The following ANO10 variants were observed in gnomAD, a reference collection of about 807,000 sequenced individuals.
The protein encoded by ANO10 is anoctamin-10.
In ANO10, 77 loss-of-function variants were observed where a neutral mutation model predicts 74.7. That is an observed-to-expected ratio of 1.03 (90% CI 0.86 to 1.25). The LOEUF (loss-of-function observed/expected upper bound fraction) is 1.25. Among genes scored for constraint, ANO10 ranks in the 50% most tolerant of loss-of-function variants. The pLI is 0.00. For missense variants in ANO10, 721 were observed against 778.1 expected (o/e 0.93, Z 0.87); for synonymous variants, 279 against 284.9 (o/e 0.98, Z 0.21).
At chr3:43,544,641 A>T (rs2079099232) in intron 11 of ANO10, among the ~76,000 whole-genome samples, 1 of 151,978 alleles carries the variant, frequency 6.6e-6, no homozygotes, top group African/African-American at 2.4e-5. Context: ...AAAAATACAA[A>T]TATTAGCCAA....
chr3:43,414,239 CT>C (rs1261082826), intron 12 of ANO10, among the ~76,000 whole-genome samples: 2 of 152,146 alleles, frequency 1.3e-5, no homozygotes, highest in Non-Finnish European at 2.9e-5. Context: ...GCAGTTAGTC[CT>C]TTTCCCTTTC....
chr3:43,563,599 C>T (rs530334120), intron 8 of ANO10, among the ~76,000 whole-genome samples: 39 of 152,246 alleles, frequency 2.6e-4, no homozygotes, highest in African/African-American at 8.9e-4. Flanking sequence ...CAGAATCAAC[C>T]TCAGTGTCTA....
chr3:43,564,751 G>C (rs1290121716), intron 8 of ANO10, among the ~76,000 whole-genome samples: 1 of 152,212 alleles, frequency 6.6e-6, no homozygotes, highest in Non-Finnish European at 1.5e-5. Flanking sequence ...GCTATCAAGA[G>C]AGCTGGTTTC....
At chr3:43,566,286 A>C (rs1262759929) in intron 7 of ANO10, among the ~76,000 whole-genome samples, 27 of 152,234 alleles carry the variant, frequency 1.8e-4, no homozygotes, top group East Asian at 5.8e-4. Context: ...CCCAGGCTTG[A>C]TTAGGTAAAC....
At position 43,672,056 on chromosome 3, in the gene ANO10, G is replaced by A. The variant is rs986808752; in HGVS notation, c.-12+19461C>T. 4.6e-5 allele frequency among the ~76,000 whole-genome samples: 7 copies of A among 152,218 alleles called. No homozygotes were observed. The South Asian group carries it at 8.3e-4, about 18-fold the overall frequency. On this transcript the variant is annotated intron_variant, in intron 1 of 3. Coordinates refer to the ANO10 transcript ENST00000413397. ...GAAGCTCAAATATATCTGTTATGCTGCTGCAAGTCATCTTCCTGTTGCATG... is the reference window on the plus strand; with the variant it reads ...GAAGCTCAAATATATCTGTTATGCTACTGCAAGTCATCTTCCTGTTGCATG...
Position 43,561,270 on chromosome 3 carries a change from C to G in ANO10, c.1426G>C (p.Ala476Pro). The G allele has an allele frequency of 1.2e-6, 2 of 1,614,148 alleles. No individual in the cohort carries two copies. The highest frequency in any genetic ancestry group is 1.1e-5 in the South Asian group (1 of 91,084). Reference protein sequence around the residue: ...KVQALKADIDATLYEQVILEK... With the variant: ...KVQALKADIDPTLYEQVILEK... Reference sequence around the variant, plus strand: ...AGGATGACTTGTTCATATAATGTAGCATCAATGTCTGCCTTTAAAGCCTGC... The same window carrying G: ...AGGATGACTTGTTCATATAATGTAGGATCAATGTCTGCCTTTAAAGCCTGC... Residue 476 changes from alanine to proline, a missense_variant, in exon 9 of 13, where the codon GCT becomes CCT. By Grantham distance (27) the Ala-to-Pro change is conservative. Transcript: ENST00000292246.
At chr3:43,654,716 T>C (rs534649136) in intron 1 of ANO10, among the ~76,000 whole-genome samples, 12 of 152,260 alleles carry the variant, frequency 7.9e-5, no homozygotes, top group South Asian at 2.1e-4. Context: ...AGAGAAGTGG[T>C]CATCCTCACT....
chr3:43,633,155 G>A (rs192927283), intron 1 of ANO10, among the ~76,000 whole-genome samples: 36 of 152,142 alleles, frequency 2.4e-4, no homozygotes, highest in African/African-American at 6.5e-4. Flanking sequence ...TCGTCCCCCC[G>A]GAAAGAAATA....
At chr3:43,390,829 C>T (rs772504084) in intron 12 of ANO10, among the ~76,000 whole-genome samples, 5 of 152,330 alleles carry the variant, frequency 3.3e-5, no homozygotes, top group East Asian at 1.9e-4. Context: ...TGTATTCTCA[C>T]GCAGTGTGTT....
At chr3:43,453,816 TC>T (rs1412386180) in intron 11 of ANO10, among the ~76,000 whole-genome samples, 5 of 152,222 alleles carry the variant, frequency 3.3e-5, no homozygotes, top group Admixed American at 3.3e-4. Context: ...TATAAGTCTG[TC>T]CTTATGCCGG....
At chr3:43,406,250 T>C (rs1023251505) in intron 12 of ANO10, among the ~76,000 whole-genome samples, 13 of 152,192 alleles carry the variant, frequency 8.5e-5, no homozygotes, top group Non-Finnish European at 1.6e-4. Flanking sequence ...TGGGGCTGTA[T>C]CTTGAGCAGA....
At chr3:43,480,125 G>A (rs2076211021) in intron 11 of ANO10, among the ~76,000 whole-genome samples, 1 of 152,136 alleles carries the variant, frequency 6.6e-6, no homozygotes, top group Non-Finnish European at 1.5e-5. Flanking sequence ...TATGATTGCT[G>A]ACATTCAATA....
intron 1 of ANO10, chr3:43,618,210 C>T (rs2083216525): frequency 6.6e-6 from 1 of 152,260 alleles, no homozygotes; most frequent in Non-Finnish European, 1.5e-5. Flanking sequence ...AGGACCACTC[C>T]CTGAGGGAAC....
At position 43,505,361 on chromosome 3, in the gene ANO10, C is replaced by T. The variant is rs2077255266; in HGVS notation, c.1797+44359G>A. On this transcript the variant is annotated intron_variant, in intron 11 of 12. Coordinates refer to ENST00000292246, the MANE Select transcript of ANO10 (RefSeq NM_018075.5). Reference sequence around the variant, plus strand: ...ATTAAAATTGTTTTAATTGTCAGAACATTTTTCTGCTGAGCATGAGGACTG... The same window carrying T: ...ATTAAAATTGTTTTAATTGTCAGAATATTTTTCTGCTGAGCATGAGGACTG... Among the ~76,000 whole-genome samples, 3 of 152,174 alleles carry T rather than the reference C, an allele frequency of 2.0e-5. 1 individual carries two copies. The highest frequency in any genetic ancestry group is 2.0e-4 in the Admixed American group (3 of 15,276).
At chr3:43,433,121 T>C (rs2093015306) in intron 11 of ANO10, among the ~76,000 whole-genome samples, 2 of 151,724 alleles carry the variant, frequency 1.3e-5, no homozygotes, top group Non-Finnish European at 1.5e-5. Flanking sequence ...TTTTTTGTAT[T>C]TTTTAGTAGA....
At chr3:43,568,060 A>G (rs1280223074) in intron 7 of ANO10, among the ~76,000 whole-genome samples, 2 of 152,088 alleles carry the variant, frequency 1.3e-5, no homozygotes, top group Admixed American at 6.5e-5. Context: ...CAGACTTTAA[A>G]CCAACAAAGA....
At chr3:43,481,234 A>C (rs1182847683) in intron 11 of ANO10, among the ~76,000 whole-genome samples, 1 of 152,186 alleles carries the variant, frequency 6.6e-6, no homozygotes, top group Non-Finnish European at 1.5e-5. Context: ...ATTACTCTTA[A>C]AGGAATATTT....
At chr3:43,426,165 G>A (rs2092897812) in intron 12 of ANO10, among the ~76,000 whole-genome samples, 1 of 151,338 alleles carries the variant, frequency 6.6e-6, no homozygotes, top group Non-Finnish European at 1.5e-5. Flanking sequence ...ATTTATTTAT[G>A]TCTTTCTCTG....
intron 12 of ANO10, among the ~76,000 whole-genome samples, chr3:43,377,028 G>A (rs1429196493): frequency 2.0e-5 from 3 of 152,184 alleles, no homozygotes; most frequent in African/African-American, 7.2e-5. Context: ...TGGTCTGGAG[G>A]AGACATTTCC....
Sources: gnomAD v4.1 joint callset for allele counts (sites outside exome capture counted in the v4.1 genomes callset) on GRCh38, gnomAD v4.1.1 for gene constraint, MANE v1.5 for transcripts, NCBI Gene and HGNC (gene_info 2026-07-23, HGNC 2026-07-21) for gene names.